Variants in HORMAD2 observed in about 807,000 individuals in gnomAD.
The protein encoded by HORMAD2 is HORMA domain containing 2.
In HORMAD2, 45 loss-of-function variants were observed where a neutral mutation model predicts 38.8. The ratio of observed to expected loss-of-function variants is 1.16; its 90% CI spans 0.91 to 1.49. HORMAD2 has a LOEUF of 1.49. Ranked by LOEUF, HORMAD2 falls within the 40% of genes most tolerant of loss-of-function variation. The pLI is 0.00. For synonymous variants in HORMAD2, 126 were observed against 122.8 expected, an observed-to-expected ratio of 1.03 and a Z score of -0.17; for missense variants, 338 against 367.0, an observed-to-expected ratio of 0.92 and a Z score of 0.65.
At chr22:30,147,835 C>T (rs2106722) in intron 10 of HORMAD2, among the ~76,000 whole-genome samples, 20,841 of 152,074 alleles carry the variant, frequency 0.14, 2,916 homozygotes, top group African/African-American at 0.35. Flanking sequence ...ATGGGCTGGG[C>T]GTGGTGGCTC....
chr22:30,133,023 AG>A (rs1224798377), intron 10 of HORMAD2, among the ~76,000 whole-genome samples: 1 of 152,236 alleles, frequency 6.6e-6, no homozygotes, highest in Non-Finnish European at 1.5e-5. Flanking sequence ...TGGTTAAAAA[AG>A]AGATGCCTCT....
intron 1 of HORMAD2, among the ~76,000 whole-genome samples, chr22:30,090,554 A>T (rs1412174963): frequency 6.6e-6 from 1 of 152,176 alleles, no homozygotes; most frequent in Admixed American, 6.5e-5. Context: ...TTTTGAATAT[A>T]TACCTAGAGA....
chr22:30,097,037 A>G (rs1044919094), intron 2 of HORMAD2, among the ~76,000 whole-genome samples: 2 of 152,222 alleles, frequency 1.3e-5, no homozygotes, highest in Non-Finnish European at 2.9e-5. Context: ...ATGCTTTAAA[A>G]TTATAATGTA....
chr22:30,109,215 G>A (rs746717986), intron 5 of HORMAD2, among the ~76,000 whole-genome samples: 1 of 151,696 alleles, frequency 6.6e-6, no homozygotes, highest in Admixed American at 6.6e-5. Flanking sequence ...TAGTAGAGAC[G>A]GGGTTTCACC....
chr22:30,117,226 G>A (rs1922108750), intron 7 of HORMAD2, among the ~76,000 whole-genome samples: 1 of 152,160 alleles, frequency 6.6e-6, no homozygotes, highest in Non-Finnish European at 1.5e-5. Context: ...CAGAAACACT[G>A]AGACTTTTTC....
At chr22:30,122,367 T>C (rs367936300) in intron 10 of HORMAD2, among the ~76,000 whole-genome samples, 153 bp downstream of exon 10, 1 of 152,274 alleles carries the variant, frequency 6.6e-6, no homozygotes, top group South Asian at 2.1e-4. Flanking sequence ...TCTAAAAAAG[T>C]TTAATCTTCT....
At chr22:30,142,431 G>A (rs1924146572) in intron 10 of HORMAD2, among the ~76,000 whole-genome samples, 1 of 152,108 alleles carries the variant, frequency 6.6e-6, no homozygotes, top group Non-Finnish European at 1.5e-5. Flanking sequence ...CAGATATTCT[G>A]CCTAATTGTC....
chr22:30,087,414 G>A (rs2068589351), intron 1 of HORMAD2, among the ~76,000 whole-genome samples: 1 of 152,172 alleles, frequency 6.6e-6, no homozygotes, highest in Non-Finnish European at 1.5e-5. Context: ...ATACACATAA[G>A]AATCAATAAG....
intron 2 of HORMAD2, among the ~76,000 whole-genome samples, chr22:30,094,650 T>C (rs1190190422): frequency 6.6e-6 from 1 of 152,154 alleles, no homozygotes; most frequent in Admixed American, 6.6e-5. Flanking sequence ...AGTAAGACAA[T>C]GCAAATTATA....
intron 1 of HORMAD2, among the ~76,000 whole-genome samples, chr22:30,091,438 G>A (rs916918150): frequency 4.0e-5 from 6 of 151,362 alleles, no homozygotes; most frequent in African/African-American, 1.2e-4. Context: ...GCTAATTTTC[G>A]TATTTTTTGT....
the HORMAD2 span, among the ~76,000 whole-genome samples, chr22:30,193,280 T>C: frequency 6.6e-6 from 1 of 152,208 alleles, no homozygotes; most frequent in Non-Finnish European, 1.5e-5. Context: ...CATGTCACTA[T>C]GTTCTTTAAT....
At chr22:30,123,313 G>A (rs1324278285) in intron 10 of HORMAD2, among the ~76,000 whole-genome samples, 5 of 152,038 alleles carry the variant, frequency 3.3e-5, no homozygotes, top group African/African-American at 1.2e-4. Flanking sequence ...AGAAAAGAAT[G>A]TTTCAGCTAG....
upstream of HORMAD2, among the ~76,000 whole-genome samples, chr22:30,079,741 G>T (rs1336998891): frequency 1.3e-5 from 2 of 151,642 alleles, no homozygotes; most frequent in African/African-American, 4.8e-5. Flanking sequence ...GTGCAATGGC[G>T]GAATCTCGGC....
At chr22:30,199,451 G>GT in the HORMAD2 span, among the ~76,000 whole-genome samples, 1 of 152,180 alleles carries the variant, frequency 6.6e-6, no homozygotes, top group South Asian at 2.1e-4. Context: ...ATTCTCTTTA[G>GT]TTTTTTAGTC....
chr22:30,198,737 C>T, the HORMAD2 span, among the ~76,000 whole-genome samples: 7 of 152,154 alleles, frequency 4.6e-5, no homozygotes, highest in African/African-American at 1.7e-4. Flanking sequence ...ATCTGGCTTC[C>T]CTGTGACTAT....
chr22:30,201,478 G>A, the HORMAD2 span, among the ~76,000 whole-genome samples: 2 of 146,160 alleles, frequency 1.4e-5, no homozygotes, highest in South Asian at 2.2e-4. Flanking sequence ...GTGCAGTGGC[G>A]CGATCTCAGC....
At chr22:30,198,135 G>T in the HORMAD2 span, among the ~76,000 whole-genome samples, 2 of 152,152 alleles carry the variant, frequency 1.3e-5, no homozygotes, top group African/African-American at 4.8e-5. Flanking sequence ...AGTGAGCCGA[G>T]ATCGAGCCAC....
Position 30,104,395 on chromosome 22 carries a change from T to G in HORMAD2, c.258-6T>G, listed in dbSNP as rs1921030536. ...CAATTGACATCAAACATTTATTTCT[T>G]GACAGGATTCAAGGTTGTTTTGATG... On this transcript the variant is annotated splice_polypyrimidine_tract_variant and splice_region_variant and intron_variant, in intron 4 of 10. Transcript: ENST00000336726. 6.2e-7 allele frequency: 1 copy of G among 1,609,326 alleles called. No individual in the cohort carries two copies. The highest frequency in any genetic ancestry group is 1.3e-5 in the African/African-American group (1 of 74,770).
intron 5 of HORMAD2, among the ~76,000 whole-genome samples, chr22:30,106,734 C>T (rs996442221): frequency 6.6e-6 from 1 of 152,144 alleles, no homozygotes; most frequent in African/African-American, 2.4e-5. Flanking sequence ...ACCTTTGGCA[C>T]GTAACCTACC....
Sources: gnomAD v4.1 joint callset for allele counts (sites outside exome capture counted in the v4.1 genomes callset) on GRCh38, gnomAD v4.1.1 for gene constraint, MANE v1.5 for transcripts, NCBI Gene and HGNC (gene_info 2026-07-23, HGNC 2026-07-21) for gene names.